The following PTPRG variants were observed in gnomAD, a reference collection of about 807,000 sequenced individuals.
PTPRG encodes protein tyrosine phosphatase receptor type G, also known as receptor-type tyrosine-protein phosphatase gamma.
PTPRG carries 102 observed loss-of-function variants against 165.3 expected under a neutral mutation model. That is an observed-to-expected ratio of 0.62 (90% confidence interval 0.53 to 0.73). PTPRG has a LOEUF of 0.73. Among genes scored for constraint, PTPRG ranks in the 30% least tolerant of loss-of-function variants. The pLI, the probability that PTPRG is intolerant of heterozygous loss-of-function variation, is 0.00. For missense variants in PTPRG, 1,866 were observed against 1,861.4 expected (o/e 1.00, Z -0.05); for synonymous variants, 675 against 669.5 (o/e 1.01, Z -0.13).
intron 2 of PTPRG, among the ~76,000 whole-genome samples, chr3:61,874,431 C>T (rs2037667505): frequency 6.6e-6 from 1 of 152,130 alleles, no homozygotes; most frequent in Admixed American, 6.5e-5. Flanking sequence ...TTTGTGACTT[C>T]CACTGGAATG....
At chr3:61,744,022 TTGTC>T (rs1345531432) in intron 1 of PTPRG, among the ~76,000 whole-genome samples, 7 of 152,216 alleles carry the variant, frequency 4.6e-5, no homozygotes, top group African/African-American at 7.2e-5. Flanking sequence ...CCGCCTTTGG[TTGTC>T]TGTCTGAGCT....
Position 61,985,651 on chromosome 3 carries a change from A to G in PTPRG, c.191-3974A>G, listed in dbSNP as rs74654789. 2.0e-4 allele frequency among the ~76,000 whole-genome samples: 30 copies of G among 152,274 alleles called. No individual in the cohort carries two copies. The East Asian group carries it at 5.6e-3, about 28-fold the overall frequency. ...CATTTCTCAGCCCTGTCTAGGACTG[A>G]GCAAGTGTCGATTCTGTATTTAAAT... On this transcript the variant is annotated intron_variant, in intron 2 of 29. Transcript: ENST00000474889.
intron 4 of PTPRG, among the ~76,000 whole-genome samples, chr3:62,063,114 A>G (rs1345666738): frequency 6.6e-6 from 1 of 152,244 alleles, no homozygotes; most frequent in Non-Finnish European, 1.5e-5. Flanking sequence ...GACCCAGAAT[A>G]ATTAAATGAT....
At chr3:62,206,723 A>G (rs1700238487) in intron 12 of PTPRG, among the ~76,000 whole-genome samples, 1 of 152,068 alleles carries the variant, frequency 6.6e-6, no homozygotes, top group Admixed American at 6.5e-5. Flanking sequence ...GCTTAAATCC[A>G]GAAGTTCATG....
intron 1 of PTPRG, among the ~76,000 whole-genome samples, chr3:61,577,941 C>G (rs1381668705): frequency 1.3e-5 from 2 of 152,164 alleles, no homozygotes; most frequent in Non-Finnish European, 2.9e-5. Context: ...GCCTGTTTAC[C>G]CATCTGTGAA....
At chr3:61,609,213 T>C (rs1301043161) in intron 1 of PTPRG, among the ~76,000 whole-genome samples, 1 of 152,238 alleles carries the variant, frequency 6.6e-6, no homozygotes, top group African/African-American at 2.4e-5. Flanking sequence ...CATCCCTCTA[T>C]ACCTTGCTGT....
chr3:62,021,463 G>C (rs2041688304), intron 4 of PTPRG, among the ~76,000 whole-genome samples: 1 of 152,092 alleles, frequency 6.6e-6, no homozygotes, highest in Non-Finnish European at 1.5e-5. Context: ...CTAATAACTT[G>C]TTTGAAAAAG....
intron 4 of PTPRG, among the ~76,000 whole-genome samples, chr3:62,043,477 C>T (rs575854304): frequency 2.6e-5 from 4 of 152,058 alleles, no homozygotes; most frequent in African/African-American, 4.8e-5. Flanking sequence ...TACCTTTATG[C>T]GATCAGTTTA....
At chr3:61,720,850 G>C (rs2032015510) in intron 1 of PTPRG, among the ~76,000 whole-genome samples, 1 of 152,228 alleles carries the variant, frequency 6.6e-6, no homozygotes, top group South Asian at 2.1e-4. Context: ...ATATTATCCA[G>C]TGGCAAAACA....
rs548095524 is a variant in PTPRG at position 62,012,362 on chromosome 3, G to A, written c.519+8865G>A. Among the ~76,000 whole-genome samples, 265 of 152,258 alleles carry A rather than the reference G, an allele frequency of 1.7e-3. 2 individuals carry two copies. The highest frequency in any genetic ancestry group is 1.7e-3 in the Non-Finnish European group (113 of 68,014). On this transcript the variant is annotated intron_variant, in intron 4 of 29. Coordinates refer to ENST00000474889, the MANE Select transcript of PTPRG (RefSeq NM_002841.4). ...ATTGTTTTAGGTTGTTTTCAGAACC[G>A]CTGATGCAGTAGGTAGAAGTCATTT... is the stretch of plus-strand genomic sequence containing the variant.
At chr3:62,268,475 AC>A (rs1701957561) in intron 19 of PTPRG, among the ~76,000 whole-genome samples, 1 of 152,074 alleles carries the variant, frequency 6.6e-6, no homozygotes, top group African/African-American at 2.4e-5. Flanking sequence ...TTGCACATGT[AC>A]CCCAAAACTA....
At chr3:61,670,437 T>C (rs1702939139) in intron 1 of PTPRG, among the ~76,000 whole-genome samples, 1 of 152,212 alleles carries the variant, frequency 6.6e-6, no homozygotes, top group East Asian at 1.9e-4. Flanking sequence ...TAGGAATCCA[T>C]TTTGTGATAT....
At chr3:62,034,362 A>C (rs912840994) in intron 4 of PTPRG, among the ~76,000 whole-genome samples, 8 of 152,238 alleles carry the variant, frequency 5.3e-5, no homozygotes, top group African/African-American at 1.2e-4. Flanking sequence ...ATTTTCATAC[A>C]CATCATGTCA....
At chr3:61,977,193 C>G (rs771678526) in intron 2 of PTPRG, among the ~76,000 whole-genome samples, 13 of 139,918 alleles carry the variant, frequency 9.3e-5, no homozygotes, top group Admixed American at 4.2e-4. Context: ...CTGCCCTCCC[C>G]CACCCCCCAC....
intron 2 of PTPRG, among the ~76,000 whole-genome samples, chr3:61,912,867 TA>T (rs745963200): frequency 7.9e-5 from 12 of 152,296 alleles, no homozygotes; most frequent in Non-Finnish European, 1.6e-4. Context: ...GTTTAGGTTT[TA>T]TTTTTTTTTC....
chr3:62,281,008 TC>T (rs1255019932), intron 26 of PTPRG, among the ~76,000 whole-genome samples: 1 of 151,474 alleles, frequency 6.6e-6, no homozygotes, highest in Non-Finnish European at 1.5e-5. Flanking sequence ...TTTTAGCTGT[TC>T]CTGCCACAAA....
intron 1 of PTPRG, among the ~76,000 whole-genome samples, chr3:61,573,535 G>C (rs1330772186): frequency 3.9e-5 from 6 of 152,168 alleles, no homozygotes; most frequent in Non-Finnish European, 7.3e-5. Flanking sequence ...CTTCACCCTT[G>C]TTTTAGTACA....
chr3:61,909,880 C>T (rs2038757323), intron 2 of PTPRG, among the ~76,000 whole-genome samples: 1 of 152,174 alleles, frequency 6.6e-6, no homozygotes, highest in African/African-American at 2.4e-5. Flanking sequence ...GTTCCAAAAT[C>T]ATTTAAACAC....
rs532562824 is a variant in PTPRG, at chr3:62,195,311, G to A, written c.1327+141G>A. The A allele has an allele frequency of 2.5e-5, 18 of 723,370 alleles. 1 individual carries two copies. The highest frequency in any genetic ancestry group is 2.2e-4 in the East Asian group (8 of 36,226). 44.8% of individuals were successfully genotyped at this position (723,370 alleles called of 1,614,324 possible). ...CAGTGTAGGGTTTTAAAGCCTATGC[G>A]GGAAGCCCTAGTAATTTAGGTCTTT... On this transcript the variant is annotated intron_variant, in intron 10 of 29. Transcript: ENST00000474889. The surrounding 1 kb of genome is among the most constrained non-coding windows in gnomAD (Gnocchi z 4.4).
Sources: allele counts gnomAD v4.1 joint callset (sites outside exome capture counted in the v4.1 genomes callset), GRCh38; gene constraint gnomAD v4.1.1; non-coding constraint Gnocchi (gnomAD v3.1); transcripts MANE v1.5; gene names NCBI Gene and HGNC (gene_info 2026-07-23, HGNC 2026-07-21).